PCCB: variants seen among roughly 807,000 people sequenced by gnomAD.
PCCB encodes propionyl-CoA carboxylase beta chain, mitochondrial.
PCCB carries 43 observed loss-of-function variants against 60.7 expected under a neutral mutation model. That is an observed-to-expected ratio of 0.71 (90% CI 0.55 to 0.91). The LOEUF (loss-of-function observed/expected upper bound fraction) is 0.91. PCCB is among the 40% of genes least tolerant of loss of function. The pLI is 0.00. For synonymous variants in PCCB, 276 were observed against 255.9 expected (o/e 1.08, Z -0.75); for missense variants, 766 against 702.8 (o/e 1.09, Z -1.02).
intron 5 of PCCB, among the ~76,000 whole-genome samples, chr3:136,267,774 G>T (rs373403739): frequency 7.1e-4 from 108 of 152,000 alleles, no homozygotes; most frequent in Admixed American, 2.2e-3. Context: ...GGCATGAGCC[G>T]ATGTGCCCAG....
chr3:136,294,253 A>G (rs1245151563), intron 7 of PCCB, among the ~76,000 whole-genome samples: 1 of 152,170 alleles, frequency 6.6e-6, no homozygotes, highest in African/African-American at 2.4e-5. Flanking sequence ...AGTGTTTTCC[A>G]ATCATTGGCC....
intron 5 of PCCB, among the ~76,000 whole-genome samples, chr3:136,281,431 C>T (rs1234425303): frequency 6.6e-6 from 1 of 151,566 alleles, no homozygotes; most frequent in Non-Finnish European, 1.5e-5. Flanking sequence ...CAGTTATTGT[C>T]AACTCCAGGC....
At chr3:136,271,088 C>G (rs534381025) in intron 5 of PCCB, among the ~76,000 whole-genome samples, 7 of 152,098 alleles carry the variant, frequency 4.6e-5, no homozygotes, top group Non-Finnish European at 8.8e-5. Context: ...TGGCTCTTTG[C>G]TGATTACTTC....
At chr3:136,294,087 T>C (rs1933827167) in intron 7 of PCCB, among the ~76,000 whole-genome samples, 2 of 152,208 alleles carry the variant, frequency 1.3e-5, no homozygotes, top group South Asian at 4.1e-4. Flanking sequence ...CTATTAGTAA[T>C]GCTTGGTTAT....
At chr3:136,279,746 C>T (rs1167839904) in intron 5 of PCCB, among the ~76,000 whole-genome samples, 2 of 152,118 alleles carry the variant, frequency 1.3e-5, no homozygotes, top group African/African-American at 4.8e-5. Context: ...CGACTCACTG[C>T]AAGCTCCGCC....
chr3:136,301,965 A>G (rs1371906241), intron 9 of PCCB, among the ~76,000 whole-genome samples: 2 of 151,992 alleles, frequency 1.3e-5, no homozygotes, highest in South Asian at 2.1e-4. Context: ...AGAAAAAGAG[A>G]AAAAAAATGA....
chr3:136,253,098 T>TG (rs1941565736), intron 1 of PCCB, among the ~76,000 whole-genome samples: 2 of 142,568 alleles, frequency 1.4e-5, no homozygotes, highest in African/African-American at 5.2e-5. Context: ...TTTTTTTTTT[T>TG]TTTTTTTTTA....
intron 5 of PCCB, among the ~76,000 whole-genome samples, chr3:136,282,136 C>T (rs1576325289): frequency 6.6e-6 from 1 of 152,278 alleles, no homozygotes; most frequent in East Asian, 1.9e-4. Context: ...ATTTCCCAAT[C>T]TGGCACCAAC....
intron 6 of PCCB, among the ~76,000 whole-genome samples, chr3:136,292,328 T>C (rs575602414): frequency 6.6e-6 from 1 of 152,208 alleles, no homozygotes; most frequent in South Asian, 2.1e-4. Flanking sequence ...TAGCTAGACC[T>C]TTCTAGCAAG....
At chr3:136,313,218 T>G (rs1040384688) in intron 9 of PCCB, among the ~76,000 whole-genome samples, 4 of 152,226 alleles carry the variant, frequency 2.6e-5, no homozygotes, top group Admixed American at 6.5e-5. Context: ...CAATTTACCC[T>G]GAAGATACAC....
At chr3:136,299,839 T>C (rs1055271097) in intron 8 of PCCB, among the ~76,000 whole-genome samples, 2 of 151,856 alleles carry the variant, frequency 1.3e-5, no homozygotes, top group African/African-American at 4.8e-5. Flanking sequence ...TATATGCATG[T>C]GTATGTATAT....
intron 6 of PCCB, among the ~76,000 whole-genome samples, chr3:136,284,881 GT>G (rs1195428960): frequency 3.9e-5 from 6 of 152,080 alleles, no homozygotes; most frequent in Non-Finnish European, 5.9e-5. Context: ...GAGCTCAGGA[GT>G]TTTAGACCAG....
In PCCB at chr3:136,326,431, G is replaced by A. The variant is rs6774573; in HGVS notation, c.1091-372G>A. The stretch of plus-strand genomic sequence containing the variant: ...AGGCAAAGTAATTTCTCAAGGGCAC[G>A]TTGCCATCATCAGTGGAGCCAGAAT... On this transcript the variant is annotated intron_variant, in intron 10 of 14. Coordinates refer to ENST00000251654, the MANE Select transcript of PCCB (RefSeq NM_000532.5). 3.7e-3 allele frequency: 2,605 copies of A among 702,162 alleles called. 38 individuals carry two copies. In the African/African-American group the frequency reaches 0.04, roughly 11 times the overall value. The allele number at this position is 702,162 out of a possible 1,614,324, so 43.5% of individuals were successfully genotyped here.
chr3:136,273,609 T>C (rs2108166918), intron 5 of PCCB, among the ~76,000 whole-genome samples: 1 of 143,104 alleles, frequency 7.0e-6, no homozygotes, highest in South Asian at 2.2e-4. Flanking sequence ...TTTTTTTTTT[T>C]TTTTTTTTTT....
chr3:136,282,260 T>C (rs1428711303), intron 5 of PCCB, among the ~76,000 whole-genome samples: 1 of 152,250 alleles, frequency 6.6e-6, no homozygotes, highest in African/African-American at 2.4e-5. Flanking sequence ...TGCTGTTTTA[T>C]CAAATTCTCC....
intron 6 of PCCB, among the ~76,000 whole-genome samples, chr3:136,284,906 G>A (rs1251513661): frequency 6.6e-6 from 1 of 151,916 alleles, no homozygotes; most frequent in African/African-American, 2.4e-5. Flanking sequence ...AGGCAACGTA[G>A]CGAAACCCCA....
intron 12 of PCCB, 29 bp from the exon 13 acceptor site, chr3:136,327,605 C>G (rs570144970): frequency 4.5e-5 from 69 of 1,540,216 alleles, no homozygotes; most frequent in Middle Eastern, 3.4e-4. Flanking sequence ...GTCTCAGGCT[C>G]TAACACTCAG....
At chr3:136,321,632 C>T (rs186231023) in intron 10 of PCCB, among the ~76,000 whole-genome samples, 253 of 152,306 alleles carry the variant, frequency 1.7e-3, no homozygotes, top group African/African-American at 4.6e-3. Context: ...GATCCAGTCA[C>T]CTCCCTCCCT....
rs539854504 is a variant in PCCB, at chr3:136,305,746, T to TAA, written c.966+4649_966+4650dup. Among the ~76,000 whole-genome samples the TAA allele has an allele frequency of 3.0e-4, 25 of 83,280 alleles. 3 individuals carry two copies. Among genetic ancestry groups the TAA allele is most frequent in the African/African-American group, 6.9e-4 (21 of 30,582 alleles). The allele number at this position is 83,280 out of a possible 152,430, so 54.6% of individuals were successfully genotyped here. On this transcript the variant is annotated intron_variant, in intron 9 of 14. Coordinates refer to ENST00000251654, the MANE Select transcript of PCCB (RefSeq NM_000532.5). ...CCTGGGCGATGAGTGAAACTGTCTC[T>TAA]AAAAAAAAAAAAAAAGAAAGAAAAA...
Sources: gnomAD v4.1 joint callset for allele counts (sites outside exome capture counted in the v4.1 genomes callset) on GRCh38, gnomAD v4.1.1 for gene constraint, MANE v1.5 for transcripts, NCBI Gene and HGNC (gene_info 2026-07-23, HGNC 2026-07-21) for gene names.